Variants in DUSP9 observed in about 807,000 individuals in gnomAD.
The protein encoded by DUSP9 is dual specificity protein phosphatase 9.
In DUSP9, 4 loss-of-function variants were observed where a neutral mutation model predicts 13.2. The observed-to-expected ratio is 0.30, with a 90% CI of 0.15 to 0.69. The LOEUF is 0.69. Ranked by LOEUF, DUSP9 falls within the 30% of genes least tolerant of loss-of-function variation. The probability of loss-of-function intolerance (pLI) is 0.73; values close to 1 mark genes in which losing one functional copy is unlikely to be tolerated. For synonymous variants in DUSP9, 166 were observed against 172.3 expected, an observed-to-expected ratio of 0.96 and a Z score of 0.29; for missense variants, 263 against 355.0, an observed-to-expected ratio of 0.74 and a Z score of 2.08.
rs375976650 is a variant in DUSP9, at chrX:153,650,281, C to T, written c.1131C>T (p.Gly377=). ...TCTTCACCACCCCCACCAGTGATGG[C>T]GCCTTCGAGCTGGCCCCCACCTAGG... ...PSFFTTPTSD[G]AFELAPT Residue 377 remains glycine, a synonymous_variant, in exon 4 of 4, where the codon GGC becomes GGT. Transcript: ENST00000342782. The T allele has an allele frequency of 2.6e-4, 309 of 1,195,607 alleles. No individual in the cohort carries two copies. The highest frequency in any genetic ancestry group is 3.3e-4 in the Non-Finnish European group (289 of 886,888).
chrX:153,642,498 A>T (rs2148318924), upstream of DUSP9: 1 of 112,800 alleles, frequency 8.9e-6, no homozygotes, highest in African/African-American at 3.2e-5. Flanking sequence ...AGAGGCCGCC[A>T]CCCGGGGTTC....
chrX:153,650,011 C>T lies in DUSP9; in HGVS notation c.861C>T (p.Leu287=). Residue 287 remains leucine (L), a synonymous_variant, in exon 4 of 4, where the codon CTC becomes CTT. Transcript: ENST00000342782. Reference sequence around the variant, plus strand: ...CCTTGTCCCAGAACTGCGGGGTGCTCGTCCACTGCTTGGCGGGGGTCAGCC... The same window carrying T: ...CCTTGTCCCAGAACTGCGGGGTGCTTGTCCACTGCTTGGCGGGGGTCAGCC... The part of the protein sequence containing the change: ...DEALSQNCGV[L]VHCLAGVSRS... The T allele has an allele frequency of 4.1e-6, 5 of 1,208,369 alleles. No homozygotes were observed. The highest frequency in any genetic ancestry group is 3.0e-5 in the East Asian group (1 of 33,690).
At chrX:153,647,738 C>T (rs2091193834) in intron 1 of DUSP9, 181 bp from the exon 2 acceptor site, 3 of 304,796 alleles carry the variant, frequency 9.8e-6, no homozygotes, top group Non-Finnish European at 1.7e-5. Flanking sequence ...GCCGCTCAGC[C>T]CTCTTCTCGA....
At chrX:153,645,595 C>A (rs1557035423), upstream of DUSP9, among the ~76,000 whole-genome samples, 1 of 113,247 alleles carries the variant, frequency 8.8e-6, no homozygotes, top group African/African-American at 3.2e-5. Flanking sequence ...CTCCATGGCT[C>A]CTGAGAGGAG....
rs2091196601 is a variant in DUSP9, at chrX:153,648,180, C to G, written c.227C>G (p.Ala76Gly). The stretch of plus-strand genomic sequence containing the variant: ...CCGCCGCTGCAGCCGCCCCCGCCTG[C>G]CCCCGTGCTCCTGTACGACCAGGGC... ...PGPPLQPPPP[A>G]PVLLYDQGGG... Residue 76 changes from alanine to glycine, a missense_variant, in exon 2 of 4, where the codon GCC (alanine) becomes GGC (glycine). Ala to Gly is a moderately conservative substitution (Grantham distance 60). Coordinates refer to ENST00000342782, the MANE Select transcript of DUSP9 (RefSeq NM_001318503.2). 1 of 1,015,421 alleles carries G rather than the reference C, an allele frequency of 9.8e-7. No individual in the cohort carries two copies. Among genetic ancestry groups the G allele is most frequent in the South Asian group, 3.2e-5 (1 of 31,209 alleles). The allele number at this position is 1,015,421 out of a possible 1,213,427, so 83.7% of individuals were successfully genotyped here.
chrX:153,648,393 C>CT, intron 2 of DUSP9, 67 bp downstream of exon 2: 3 of 1,026,272 alleles, frequency 2.9e-6, no homozygotes, highest in Non-Finnish European at 3.7e-6. Flanking sequence ...AGCCCCACTT[C>CT]TTTTTTTCTA....
Position 153,650,803 on chromosome X carries a change from A to C in DUSP9, c.*498A>C. The C allele has an allele frequency of 8.7e-6, 1 of 115,069 alleles. No homozygotes were observed. Among genetic ancestry groups the C allele is most frequent in the Non-Finnish European group, 1.8e-5 (1 of 55,251 alleles). The allele number at this position is 115,069 out of a possible 1,213,427, so 9.5% of individuals were successfully genotyped here. A position where few individuals can be genotyped will look rare whatever the true frequency, so the allele number is the denominator to read the frequency against. Reference sequence around the variant, plus strand: ...CAGAGTGCAGTGGCCGCCCACATCCATGGCCTAGGAGCTACTGGGCAGGTT... The same window carrying C: ...CAGAGTGCAGTGGCCGCCCACATCCCTGGCCTAGGAGCTACTGGGCAGGTT... On this transcript the variant is annotated 3_prime_UTR_variant, in exon 4 of 4. Coordinates refer to ENST00000342782, the MANE Select transcript of DUSP9 (RefSeq NM_001318503.2).
In DUSP9 at chrX:153,649,297, G is replaced by A. The variant is rs782788434; in HGVS notation, c.439G>A (p.Gly147Ser). 29 of 1,209,397 alleles carry A rather than the reference G, an allele frequency of 2.4e-5. No individual in the cohort carries two copies. The Admixed American group carries it at 2.8e-4, about 12-fold the overall frequency. Residue 147 changes from glycine to serine, a missense_variant, in exon 3 of 4, where the codon GGC becomes AGC. By Grantham distance (56) the Gly-to-Ser change is moderately conservative. Transcript: ENST00000342782. Reference protein sequence around the residue: ...LCETSLAGRAGSSMAPVPGPV... With the variant: ...LCETSLAGRASSSMAPVPGPV... ...TGAGACCAGCCTTGCTGGCCGTGCC[G>A]GCTCCAGCATGGCGCCGGTGCCCGG...
upstream of DUSP9, among the ~76,000 whole-genome samples, chrX:153,645,208 G>C (rs1036394485): frequency 8.8e-6 from 1 of 113,105 alleles, no homozygotes; most frequent in Non-Finnish European, 1.9e-5. Flanking sequence ...ACAGAGGAGG[G>C]AGACTACTGG....
In DUSP9 at chrX:153,649,560, C is replaced by T. The variant is rs782798745; in HGVS notation, c.702C>T (p.Leu234=). 1 of 1,212,138 alleles carries T rather than the reference C, an allele frequency of 8.2e-7. No homozygotes were observed. The highest frequency in any genetic ancestry group is 3.0e-5 in the East Asian group (1 of 33,868). Residue 234 remains leucine (L), a synonymous_variant, in exon 3 of 4, where the codon CTC becomes CTT. Coordinates refer to ENST00000342782, the MANE Select transcript of DUSP9 (RefSeq NM_001318503.2). ...CCAAACTGGGCATCCGCTACATCCTCAATGTCACCCCCAACCTCCCAAACT... is the reference window on the plus strand; with the variant it reads ...CCAAACTGGGCATCCGCTACATCCTTAATGTCACCCCCAACCTCCCAAACT... The part of the protein sequence containing the change: ...SLAKLGIRYI[L]NVTPNLPNFF...
chrX:153,646,037 A>T (rs782262779), upstream of DUSP9, among the ~76,000 whole-genome samples: 4 of 112,640 alleles, frequency 3.6e-5, no homozygotes, highest in African/African-American at 6.5e-5. Flanking sequence ...TTCTTTGCCC[A>T]TTTATCTACA....
chrX:153,649,872 C>T (rs2091206429), intron 3 of DUSP9, 108 bp from the exon 4 acceptor site: 1 of 999,577 alleles, frequency 1.0e-6, no homozygotes, highest in East Asian at 3.1e-5. Context: ...CAGGTCGTGG[C>T]CATCTGGCCC....
chrX:153,650,473 G>A lies in DUSP9; in HGVS notation c.*168G>A, dbSNP rs781969131. 9 of 435,156 alleles carry A rather than the reference G, an allele frequency of 2.1e-5. No homozygotes were observed. The highest frequency in any genetic ancestry group is 8.3e-5 in the Admixed American group (2 of 24,061). The allele number at this position is 435,156 out of a possible 1,213,427, so 35.9% of individuals were successfully genotyped here. ...CCGTCCTAATCAACGTGCCTATGGC[G>A]GGACCACGCTCGGAGCCTGCCTCTT... On this transcript the variant is annotated 3_prime_UTR_variant, in exon 4 of 4. Transcript: ENST00000342782.
rs782702142 is a variant in DUSP9, at chrX:153,649,593, G to A, written c.735G>A (p.Glu245=). ...CCCCCAACCTCCCAAACTTCTTCGA[G>A]AAGAATGGTGACTTTCACTACAAGC... ...NVTPNLPNFF[E]KNGDFHYKQI... Residue 245 remains glutamate, a synonymous_variant, in exon 3 of 4, where the codon GAG becomes GAA. Transcript: ENST00000342782. 32 of 1,210,648 alleles carry A rather than the reference G, an allele frequency of 2.6e-5. No individual in the cohort carries two copies. The Admixed American group carries it at 6.5e-4, about 25-fold the overall frequency.
chrX:153,647,163 G>T (rs1466125760), upstream of DUSP9: 1 of 98,359 alleles, frequency 1.0e-5, no homozygotes, highest in Non-Finnish European at 2.1e-5. Context: ...GCCCCGGCCC[G>T]CCCCTCGGAG....
At chrX:153,645,417 G>A (rs1483009420), upstream of DUSP9, among the ~76,000 whole-genome samples, 1 of 113,152 alleles carries the variant, frequency 8.8e-6, no homozygotes, top group Non-Finnish European at 1.9e-5. Context: ...CATGGGGGGT[G>A]TGGCCGGAAA....
At chrX:153,646,790 G>C (rs2091189488), upstream of DUSP9, among the ~76,000 whole-genome samples, 2 of 112,413 alleles carry the variant, frequency 1.8e-5, no homozygotes. Context: ...CGTGATTTCG[G>C]TGGCATCCCA....
upstream of DUSP9, among the ~76,000 whole-genome samples, chrX:153,644,796 G>T (rs1250762159): frequency 8.9e-6 from 1 of 112,126 alleles, no homozygotes; most frequent in East Asian, 2.8e-4. Context: ...TGCGGAGGTT[G>T]CCTCTCCCCG....
Position 153,647,247 on chromosome X carries a change from G to A in DUSP9, c.-214G>A, listed in dbSNP as rs2148321256. On this transcript the variant is annotated 5_prime_UTR_variant, in exon 1 of 4. Transcript: ENST00000342782. The stretch of plus-strand genomic sequence containing the variant: ...GCTGCCAGGAAGCGGCCGGTGCGCG[G>A]GCTGCGCGGGCTGCGCGGGGCTCGG... The A allele has an allele frequency of 8.9e-6, 1 of 112,409 alleles. No homozygotes were observed. Among genetic ancestry groups the A allele is most frequent in the South Asian group, 3.7e-4 (1 of 2,739 alleles). 9.3% of individuals were successfully genotyped at this position (112,409 alleles called of 1,213,427 possible).
Sources: allele counts gnomAD v4.1 joint callset (sites outside exome capture counted in the v4.1 genomes callset), GRCh38; gene constraint gnomAD v4.1.1; transcripts MANE v1.5; gene names NCBI Gene and HGNC (gene_info 2026-07-23, HGNC 2026-07-21).